The following SKAP1 variants were observed in gnomAD, a reference collection of about 807,000 sequenced individuals.
SKAP1 encodes the protein src kinase-associated phosphoprotein 1.
A neutral mutation model predicts 58.5 loss-of-function variants in SKAP1; 44 were observed. The observed-to-expected ratio is 0.75, with a 90% confidence interval of 0.59 to 0.97. The LOEUF (loss-of-function observed/expected upper bound fraction) is 0.97. SKAP1 is among the 50% of genes least tolerant of loss of function. The pLI is 0.00. For missense variants in SKAP1, 390 were observed against 435.2 expected (o/e 0.90, Z 0.92); for synonymous variants, 127 against 149.7 (o/e 0.85, Z 1.11).
intron 10 of SKAP1, among the ~76,000 whole-genome samples, chr17:48,163,562 A>AG (rs1230349411): frequency 1.3e-5 from 2 of 152,198 alleles, no homozygotes; most frequent in African/African-American, 4.8e-5. Context: ...CTGTGAACAA[A>AG]GCACCTACAA....
intron 4 of SKAP1, among the ~76,000 whole-genome samples, chr17:48,281,063 G>A (rs1439405730): frequency 6.6e-6 from 1 of 151,754 alleles, no homozygotes; most frequent in Non-Finnish European, 1.5e-5. Flanking sequence ...GTCTTGTTCT[G>A]TTGCCAGGCT....
chr17:48,339,392 G>A (rs1450179193), intron 4 of SKAP1, among the ~76,000 whole-genome samples: 2 of 151,994 alleles, frequency 1.3e-5, no homozygotes, highest in Non-Finnish European at 2.9e-5. Flanking sequence ...TCATATCATA[G>A]AATAAAAAGG....
intron 4 of SKAP1, among the ~76,000 whole-genome samples, chr17:48,226,087 G>A (rs1287290556): frequency 6.6e-6 from 1 of 152,122 alleles, no homozygotes; most frequent in Non-Finnish European, 1.5e-5. Context: ...CAACCTAATG[G>A]CTAGGCTTAT....
At chr17:48,310,298 A>C (rs528101294) in intron 4 of SKAP1, among the ~76,000 whole-genome samples, 6 of 152,206 alleles carry the variant, frequency 3.9e-5, no homozygotes, top group Non-Finnish European at 7.3e-5. Context: ...CTTTCATGAG[A>C]GAAGAAAATT....
chr17:48,433,418 G>A (rs1472912117), upstream of SKAP1, among the ~76,000 whole-genome samples: 1 of 152,192 alleles, frequency 6.6e-6, no homozygotes, highest in African/African-American at 2.4e-5. Flanking sequence ...TGTCATGGAA[G>A]AAAGCAGCCA....
chr17:48,303,790 AGGTTGCTAGATAATAAGG>A, intron 4 of SKAP1, among the ~76,000 whole-genome samples: 1 of 152,322 alleles, frequency 6.6e-6, no homozygotes, highest in East Asian at 1.9e-4. Context: ...GACACATAGA[AGGTTGCTAGATAATAAGG>A]GGATATTTTC....
At chr17:48,212,498 A>C (rs756958888) in intron 4 of SKAP1, among the ~76,000 whole-genome samples, 5 of 152,182 alleles carry the variant, frequency 3.3e-5, no homozygotes, top group Non-Finnish European at 7.3e-5. Flanking sequence ...TGCTCACAAA[A>C]AGTAGGAGAA....
intron 8 of SKAP1, 108 bp downstream of exon 8, chr17:48,182,286 T>C: frequency 1.3e-6 from 1 of 746,746 alleles, no homozygotes; most frequent in Non-Finnish European, 2.3e-6. Flanking sequence ...AAGGTAGAGG[T>C]GAGAAAGGGC....
intron 4 of SKAP1, among the ~76,000 whole-genome samples, chr17:48,313,865 G>A (rs555474405): frequency 1.0e-3 from 159 of 152,228 alleles, no homozygotes; most frequent in Non-Finnish European, 2.0e-3. Flanking sequence ...GTGTGATGGT[G>A]GGGAGGTGGG....
upstream of SKAP1, chr17:48,430,221 G>A: frequency 1.1e-6 from 1 of 888,458 alleles, no homozygotes; most frequent in Non-Finnish European, 1.4e-6. Flanking sequence ...CTGTACCTCA[G>A]CCGCGGTCGC....
chr17:48,135,780 A>G (rs1206072843), intron 12 of SKAP1, among the ~76,000 whole-genome samples: 1 of 152,054 alleles, frequency 6.6e-6, no homozygotes, highest in Non-Finnish European at 1.5e-5. Flanking sequence ...CCTGCAAACC[A>G]TATTCTCTAT....
intron 4 of SKAP1, among the ~76,000 whole-genome samples, chr17:48,279,364 T>C (rs532180471): frequency 6.6e-6 from 1 of 152,290 alleles, no homozygotes; most frequent in South Asian, 2.1e-4. Context: ...CCTGACACAA[T>C]AGATTCTAAC....
chr17:48,184,916 T>C, intron 6 of SKAP1, 69 bp from the exon 7 acceptor site: 3 of 1,482,842 alleles, frequency 2.0e-6, no homozygotes, highest in African/African-American at 1.4e-5. Context: ...TCCTCTCTGG[T>C]ATGTAAAATA....
chr17:48,208,668 CTCTT>C (rs1438283426), intron 4 of SKAP1, among the ~76,000 whole-genome samples: 1 of 152,194 alleles, frequency 6.6e-6, no homozygotes, highest in Non-Finnish European at 1.5e-5. Flanking sequence ...TTTCATTTAT[CTCTT>C]TGACTATTCC....
intron 7 of SKAP1, among the ~76,000 whole-genome samples, chr17:48,183,206 G>T (rs1467017945): frequency 1.3e-5 from 2 of 152,158 alleles, no homozygotes; most frequent in Admixed American, 1.3e-4. Flanking sequence ...TTGGAATAGA[G>T]AAATCTGGAG....
intron 11 of SKAP1, among the ~76,000 whole-genome samples, chr17:48,155,655 G>A (rs1467980940): frequency 6.6e-6 from 1 of 150,954 alleles, no homozygotes; most frequent in East Asian, 2.0e-4. Context: ...CCAGGAGTTC[G>A]AGACCAGCCT....
At chr17:48,357,385 C>A (rs1283252271) in intron 3 of SKAP1, among the ~76,000 whole-genome samples, 28 of 152,104 alleles carry the variant, frequency 1.8e-4, no homozygotes, top group Admixed American at 1.8e-3. Context: ...AATCCCAGCA[C>A]TTTGGGAGGC....
intron 4 of SKAP1, among the ~76,000 whole-genome samples, chr17:48,238,230 G>A (rs1157108593): frequency 6.6e-6 from 1 of 152,030 alleles, no homozygotes; most frequent in Non-Finnish European, 1.5e-5. Flanking sequence ...CTGGCCTCAG[G>A]TGATCCACCC....
chr17:48,258,310 CA>C (rs1322789705), intron 4 of SKAP1, among the ~76,000 whole-genome samples: 1 of 152,108 alleles, frequency 6.6e-6, no homozygotes, highest in Non-Finnish European at 1.5e-5. Context: ...CATGTGTGTG[CA>C]GATTTCCATA....
Sources: gnomAD v4.1 joint callset for allele counts (sites outside exome capture counted in the v4.1 genomes callset) on GRCh38, gnomAD v4.1.1 for gene constraint, MANE v1.5 for transcripts, NCBI Gene and HGNC (gene_info 2026-07-23, HGNC 2026-07-21) for gene names.